BEND4: variants seen among roughly 807,000 people sequenced by gnomAD.
BEND4 encodes BEN domain containing 4, also known as BEN domain-containing protein 4.
BEND4 carries 27 observed loss-of-function variants against 54.7 expected under a neutral mutation model. That is an observed-to-expected ratio of 0.49 (90% CI 0.36 to 0.68). The LOEUF is 0.68. BEND4 is among the 30% of genes least tolerant of loss of function. The pLI, the probability that BEND4 is intolerant of heterozygous loss-of-function variation, is 0.00. For synonymous variants in BEND4, 327 were observed against 299.5 expected (o/e 1.09, Z -0.95); for missense variants, 702 against 697.2 (o/e 1.01, Z -0.08).
chr4:42,120,335 C>G (rs765996209), intron 4 of BEND4, 41 bp from the exon 5 acceptor site: 3 of 1,581,986 alleles, frequency 1.9e-6, no homozygotes, highest in South Asian at 2.3e-5. Flanking sequence ...ACCGAGCCAG[C>G]CAGCCAGAAG....
At chr4:42,131,247 C>T (rs571470584) in intron 3 of BEND4, among the ~76,000 whole-genome samples, 3 of 152,234 alleles carry the variant, frequency 2.0e-5, no homozygotes, top group South Asian at 4.1e-4. Context: ...AATAAATTTA[C>T]ATTAAGTCCC....
chr4:42,117,702 T>C lies in BEND4; in HGVS notation c.1421A>G (p.Asp474Gly). The C allele has an allele frequency of 6.2e-7, 1 of 1,608,426 alleles. No individual in the cohort carries two copies. The highest frequency in any genetic ancestry group is 8.5e-7 in the Non-Finnish European group (1 of 1,177,330). ...CTGCTCTTCCGAGGGCATCCACCAA[T>C]CGGGGTTGGAGGTACAATGCATCCT... ...FIRMHCTSNP[D>G]WWMPSEEQIN... The change falls in exon 6 of 6, where the codon GAT (aspartate) becomes GGT (glycine). Residue 474 changes from aspartate (D) to glycine (G), a missense_variant. By Grantham distance (94) the Asp-to-Gly change is moderately conservative (BLOSUM62 -1). Transcript: ENST00000502486.
intron 3 of BEND4, among the ~76,000 whole-genome samples, chr4:42,133,287 TC>T (rs1720570902): frequency 6.6e-6 from 1 of 152,120 alleles, no homozygotes; most frequent in South Asian, 2.1e-4. Flanking sequence ...TTACAAATGT[TC>T]CACTGGGTAT....
chr4:42,138,665 C>T (rs1353921150), intron 3 of BEND4, among the ~76,000 whole-genome samples: 2 of 152,136 alleles, frequency 1.3e-5, no homozygotes, highest in Non-Finnish European at 2.9e-5. Flanking sequence ...AACTATATAT[C>T]CTCTAACTTC....
chr4:42,130,000 T>C (rs1720445651), intron 3 of BEND4, among the ~76,000 whole-genome samples: 1 of 152,198 alleles, frequency 6.6e-6, no homozygotes, highest in Admixed American at 6.5e-5. Context: ...AATCTATCCA[T>C]CTGACAAAGG....
At chr4:42,131,342 G>A (rs1325639440) in intron 3 of BEND4, among the ~76,000 whole-genome samples, 2 of 152,134 alleles carry the variant, frequency 1.3e-5, no homozygotes, top group Admixed American at 1.3e-4. Context: ...AAAGAGATAG[G>A]AAAGAATATA....
At chr4:42,139,451 CT>C (rs896248377) in intron 3 of BEND4, among the ~76,000 whole-genome samples, 94 of 145,170 alleles carry the variant, frequency 6.5e-4, no homozygotes, top group Non-Finnish European at 5.0e-4. Context: ...CCCACAACTT[CT>C]TTTTTTTTTT....
Position 42,130,005 on chromosome 4 carries a change from C to A in BEND4, c.1055-4331G>T, listed in dbSNP as rs183118040. Among the ~76,000 whole-genome samples, 414 of 152,244 alleles carry A rather than the reference C, an allele frequency of 2.7e-3. 1 individual carries two copies. Among genetic ancestry groups the A allele is most frequent in the Non-Finnish European group, 4.0e-3 (273 of 68,034 alleles). ...AAATTTCTGCAATCTATCCATCTGACAAAGGTCTAACATCCAGAATCTACA... is the reference window on the plus strand; with the variant it reads ...AAATTTCTGCAATCTATCCATCTGAAAAAGGTCTAACATCCAGAATCTACA... On this transcript the variant is annotated intron_variant, in intron 3 of 5. Transcript: ENST00000502486.
At chr4:42,133,840 C>T (rs1393486071) in intron 3 of BEND4, among the ~76,000 whole-genome samples, 6 of 152,102 alleles carry the variant, frequency 3.9e-5, no homozygotes, top group East Asian at 1.9e-4. Flanking sequence ...GGCAACAGAG[C>T]GAGACTTCGT....
At chr4:42,151,594 C>G in intron 2 of BEND4, 63 bp downstream of exon 2, 1 of 1,405,886 alleles carries the variant, frequency 7.1e-7, no homozygotes, top group Non-Finnish European at 9.2e-7. Context: ...GCTTCTCCTT[C>G]CTGGGTCCCC....
chr4:42,121,349 T>C (rs939221067), intron 4 of BEND4, among the ~76,000 whole-genome samples: 2 of 152,150 alleles, frequency 1.3e-5, no homozygotes, highest in Non-Finnish European at 2.9e-5. Flanking sequence ...GTTCTGCGCG[T>C]GGAGACTCAT....
At chr4:42,119,975 AC>A in intron 5 of BEND4, 78 bp downstream of exon 5, 1 of 1,557,778 alleles carries the variant, frequency 6.4e-7, no homozygotes, top group Non-Finnish European at 8.8e-7. Flanking sequence ...AGAAGGCTGA[AC>A]ACTTGTACGG....
chr4:42,129,787 A>G (rs545615968), intron 3 of BEND4, among the ~76,000 whole-genome samples: 2 of 152,366 alleles, frequency 1.3e-5, no homozygotes, highest in Admixed American at 6.5e-5. Flanking sequence ...TGTAAAACCC[A>G]AAACTATGAA....
At chr4:42,118,174 G>A (rs1478164344) in intron 5 of BEND4, among the ~76,000 whole-genome samples, 1 of 152,092 alleles carries the variant, frequency 6.6e-6, no homozygotes, top group African/African-American at 2.4e-5. Flanking sequence ...TGAAGATAGA[G>A]TACAATAAAA....
At chr4:42,147,471 ATTT>A (rs1195056144) in intron 2 of BEND4, among the ~76,000 whole-genome samples, 1 of 148,316 alleles carries the variant, frequency 6.7e-6, no homozygotes, top group Non-Finnish European at 1.5e-5. Context: ...ACGTATTATG[ATTT>A]TTTTAACTTT....
chr4:42,151,699 C>A lies in BEND4; in HGVS notation c.445G>T (p.Gly149Cys), dbSNP rs1721292672. 1 of 1,466,788 alleles carries A rather than the reference C, an allele frequency of 6.8e-7. No homozygotes were observed. The highest frequency in any genetic ancestry group is 9.0e-7 in the Non-Finnish European group (1 of 1,108,104). The allele number at this position is 1,466,788 out of a possible 1,614,324, so 90.9% of individuals were successfully genotyped here. ...GPGAAAAAGT[G>C]GTGSDSASLE... ...CTGGCGCTGTCGCTACCCGTGCCGC[C>A]GGTGCCGGCGGCCGCCGCCGCGCCT... is the stretch of plus-strand genomic sequence containing the variant. The change falls in exon 2 of 6, where the codon GGC becomes TGC. Residue 149 changes from glycine to cysteine, a missense_variant. Coordinates refer to ENST00000502486, the MANE Select transcript of BEND4 (RefSeq NM_207406.4).
intron 3 of BEND4, among the ~76,000 whole-genome samples, chr4:42,141,069 AC>A (rs1720863176): frequency 2.0e-5 from 3 of 152,312 alleles, no homozygotes; most frequent in Non-Finnish European, 2.9e-5. Context: ...ACTTGGGGAA[AC>A]CAGGAATGAT....
intron 2 of BEND4, among the ~76,000 whole-genome samples, chr4:42,150,685 C>CCT (rs1721236657): frequency 6.6e-6 from 1 of 152,242 alleles, no homozygotes; most frequent in Admixed American, 6.5e-5. Context: ...TGGGCGCAGG[C>CCT]CTCAGGCTGT....
intron 4 of BEND4, among the ~76,000 whole-genome samples, chr4:42,120,574 A>T (rs1268253130): frequency 1.3e-5 from 2 of 152,198 alleles, no homozygotes; most frequent in Non-Finnish European, 2.9e-5. Flanking sequence ...ATGTGTCAAG[A>T]TCCAATGACA....
Sources: allele counts gnomAD v4.1 joint callset (sites outside exome capture counted in the v4.1 genomes callset), GRCh38; gene constraint gnomAD v4.1.1; transcripts MANE v1.5; gene names NCBI Gene and HGNC (gene_info 2026-07-23, HGNC 2026-07-21).